CD163: variants seen among roughly 807,000 people sequenced by gnomAD.
CD163 encodes the protein scavenger receptor cysteine-rich type 1 protein M130.
CD163 carries 64 observed loss-of-function variants against 129.2 expected under a neutral mutation model. The observed-to-expected ratio is 0.50, with a 90% CI of 0.41 to 0.61. CD163 has a LOEUF of 0.61. Among genes scored for constraint, CD163 ranks in the 20% least tolerant of loss-of-function variants. The pLI is 0.00. For synonymous variants in CD163, 446 were observed against 478.5 expected (o/e 0.93, Z 0.89); for missense variants, 1,061 against 1,377.9 (o/e 0.77, Z 3.64).
In CD163 at chr12:7,483,386, G is replaced by A. The variant is rs371546077; in HGVS notation, c.3069C>T (p.Asp1023=). The change falls in exon 12 of 17, where the codon GAC becomes GAT. Residue 1023 remains aspartate, a synonymous_variant. Transcript: ENST00000432237. ...ACTTACCTGTGCAATTCACTGCAGC[G>A]TCTTCCTTGTGCCCACACTCACTAT... The part of the protein sequence containing the change: ...WGHSECGHKE[D]AAVNCTDISV... The A allele has an allele frequency of 2.0e-5, 32 of 1,613,388 alleles. No individual in the cohort carries two copies. Among genetic ancestry groups the A allele is most frequent in the Admixed American group, 1.5e-4 (9 of 59,980 alleles).
At chr12:7,484,983 A>T in intron 11 of CD163, 113 bp downstream of exon 11, 1 of 941,544 alleles carries the variant, frequency 1.1e-6, no homozygotes, top group South Asian at 1.6e-5. Context: ...GCTTAATTCA[A>T]TCTAACAATT....
intron 10 of CD163, among the ~76,000 whole-genome samples, 169 bp downstream of exon 10, chr12:7,486,330 T>A (rs1379509155): frequency 6.6e-6 from 1 of 152,206 alleles, no homozygotes; most frequent in African/African-American, 2.4e-5. Flanking sequence ...ACTACCTTGC[T>A]CATGAAGTAC....
intron 6 of CD163, 29 bp from the exon 7 acceptor site, chr12:7,488,116 G>C (rs1391421170): frequency 4.5e-6 from 7 of 1,544,620 alleles, no homozygotes; most frequent in Non-Finnish European, 6.1e-6. Context: ...TTCAGTGAGA[G>C]GTAATATGAT....
chr12:7,495,197 G>A lies in CD163; in HGVS notation c.1304C>T (p.Thr435Ile). Residue 435 changes from threonine (T) to isoleucine (I), a missense_variant, in exon 6 of 17, where the codon ACA (threonine) becomes ATA (isoleucine). Transcript: ENST00000432237. Reference sequence around the variant, plus strand: ...GTTACAGCTACTTAGAAACAGCCATGTGTTTGTTGCCTGGATTTTGGAGTA... The same window carrying A: ...GTTACAGCTACTTAGAAACAGCCATATGTTTGTTGCCTGGATTTTGGAGTA... ...QVYSKIQATN[T>I]WLFLSSCNGN... is the part of the protein sequence containing the mutation. 4 of 1,614,162 alleles carry A rather than the reference G, an allele frequency of 2.5e-6. No individual in the cohort carries two copies. Among genetic ancestry groups the A allele is most frequent in the Non-Finnish European group, 3.4e-6 (4 of 1,180,008 alleles).
rs74563692 is a variant in CD163 at position 7,485,976 on chromosome 12, T to G, written c.2458+523A>C. ...ACATATGAAATAGTACATTTTTAAA[T>G]TTCAGAATGTTTTCTAAAACTCACC... is the stretch of plus-strand genomic sequence containing the variant. On this transcript the variant is annotated intron_variant, in intron 10 of 16. Coordinates refer to ENST00000432237, the MANE Select transcript of CD163 (RefSeq NM_203416.4). This position sits in a 1 kb window ranked among gnomAD's most constrained non-coding sequence, Gnocchi z 4.5. Among the ~76,000 whole-genome samples the G allele has an allele frequency of 2.9e-3, 447 of 152,340 alleles. 3 individuals are homozygous for G. The highest frequency in any genetic ancestry group is 0.01 in the African/African-American group (434 of 41,582).
chr12:7,496,565 T>C lies in CD163; in HGVS notation c.1099+248A>G, dbSNP rs1395330715. ...GTCTCTCTGAGCTCCAGGTAGATTCTGAGTTTGAAGTGTGCTCCATAAAAG... is the reference window on the plus strand; with the variant it reads ...GTCTCTCTGAGCTCCAGGTAGATTCCGAGTTTGAAGTGTGCTCCATAAAAG... On this transcript the variant is annotated intron_variant, in intron 5 of 16. Transcript: ENST00000432237. This position sits in a 1 kb window ranked among gnomAD's most constrained non-coding sequence, Gnocchi z 4.8. Among the ~76,000 whole-genome samples the C allele has an allele frequency of 1.3e-5, 2 of 152,214 alleles. No individual in the cohort carries two copies. Among genetic ancestry groups the C allele is most frequent in the African/African-American group, 2.4e-5 (1 of 41,454 alleles).
In CD163 at chr12:7,476,349, A is replaced by G. The variant is rs1238179367; in HGVS notation, c.*31+3511T>C. Among the ~76,000 whole-genome samples, 3 of 152,326 alleles carry G rather than the reference A, an allele frequency of 2.0e-5. No individual in the cohort carries two copies. In the East Asian group the frequency reaches 5.8e-4, roughly 29 times the overall value. The stretch of plus-strand genomic sequence containing the variant: ...CTGACTTCAAACTTACTGCAAGTCT[A>G]CAGTTATCAAAACAGCATGGTACTG... On this transcript the variant is annotated intron_variant, in intron 16 of 16. Coordinates refer to ENST00000432237, the MANE Select transcript of CD163 (RefSeq NM_203416.4).
chr12:7,481,285 T>A (rs1014296831), intron 14 of CD163, 29 bp from the exon 15 acceptor site: 1 of 1,553,074 alleles, frequency 6.4e-7, no homozygotes, highest in South Asian at 1.1e-5. Flanking sequence ...AGGTTAGGGA[T>A]CAGCTATCAT....
intron 6 of CD163, among the ~76,000 whole-genome samples, chr12:7,491,320 C>T (rs887151075): frequency 2.0e-5 from 3 of 152,044 alleles, no homozygotes; most frequent in Admixed American, 6.6e-5. Flanking sequence ...GCCTTTATTT[C>T]GTGAATCTGC....
At chr12:7,502,749 G>A (rs770404802) in intron 1 of CD163, 185 bp from the exon 2 acceptor site, 1 of 632,088 alleles carries the variant, frequency 1.6e-6, no homozygotes, top group South Asian at 1.9e-5. Flanking sequence ...AAATGGTTTT[G>A]AAAATGTTCA....
chr12:7,476,220 A>C (rs1949085089), intron 16 of CD163, among the ~76,000 whole-genome samples: 1 of 152,376 alleles, frequency 6.6e-6, no homozygotes. Flanking sequence ...CTTTCTTTAC[A>C]GAATTGGAAA....
At position 7,480,996 on chromosome 12, in the gene CD163, A is replaced by G; in HGVS notation, c.3343+165T>C. On this transcript the variant is annotated intron_variant, in intron 15 of 16. Coordinates refer to ENST00000432237, the MANE Select transcript of CD163 (RefSeq NM_203416.4). ...GCCTCCCTATGATTGCAATTTTGAT[A>G]TTCTCCAAGAATAATTTTCAGTCAT... 4.5e-6 allele frequency: 6 copies of G among 1,337,612 alleles called. No homozygotes were observed. In the South Asian group the frequency reaches 1.3e-4, roughly 29 times the overall value. 82.9% of individuals were successfully genotyped at this position (1,337,612 alleles called of 1,614,324 possible). A position where few individuals can be genotyped will look rare whatever the true frequency, so the allele number is the denominator to read the frequency against.
Position 7,485,475 on chromosome 12 carries a change from T to TC in CD163, c.2459-60dup. The TC allele has an allele frequency of 7.4e-7, 1 of 1,350,848 alleles. No individual in the cohort carries two copies. The highest frequency in any genetic ancestry group is 1.0e-6 in the Non-Finnish European group (1 of 966,364). The allele number at this position is 1,350,848 out of a possible 1,614,324, so 83.7% of individuals were successfully genotyped here. A position where few individuals can be genotyped will look rare whatever the true frequency, so the allele number is the denominator to read the frequency against. ...CTTTTCTGAAGATTCAGAGACTCCTTCCCTTTACCTTGATGTAAGAATGGC... is the reference window on the plus strand; with the variant it reads ...CTTTTCTGAAGATTCAGAGACTCCTTCCCCTTTACCTTGATGTAAGAATGGC... On this transcript the variant is annotated intron_variant, in intron 10 of 16. Transcript: ENST00000432237. This position sits in a 1 kb window ranked among gnomAD's most constrained non-coding sequence, Gnocchi z 4.5.
At chr12:7,494,356 T>C (rs946369899) in intron 6 of CD163, among the ~76,000 whole-genome samples, 4 of 152,230 alleles carry the variant, frequency 2.6e-5, no homozygotes, top group African/African-American at 9.6e-5. Flanking sequence ...GCACCATTTG[T>C]AACATCAGGG....
At chr12:7,478,504 G>T (rs1426432317) in intron 16 of CD163, among the ~76,000 whole-genome samples, 1 of 151,980 alleles carries the variant, frequency 6.6e-6, no homozygotes, top group East Asian at 1.9e-4. Context: ...TCTTTTCATA[G>T]CTTTGCCCAA....
Position 7,503,738 on chromosome 12 carries a change from C to A in CD163, c.-48G>T, listed in dbSNP as rs867670281. On this transcript the variant is annotated 5_prime_UTR_variant, in exon 1 of 17. Coordinates refer to ENST00000432237, the MANE Select transcript of CD163 (RefSeq NM_203416.4). ...GATTCCTAAATCTTCTTGTATTATT[C>A]CCTAGAAATGTTCTTCTAAAGAAAA... The A allele has an allele frequency of 1.5e-5, 18 of 1,169,520 alleles. No homozygotes were observed. Among genetic ancestry groups the A allele is most frequent in the Non-Finnish European group, 1.2e-5 (10 of 804,312 alleles). The allele number at this position is 1,169,520 out of a possible 1,614,324, so 72.4% of individuals were successfully genotyped here.
chr12:7,495,151 C>A lies in CD163; in HGVS notation c.1350G>T (p.Trp450Cys). 1 of 1,614,058 alleles carries A rather than the reference C, an allele frequency of 6.2e-7. No individual in the cohort carries two copies. The part of the protein sequence containing the change: ...SSCNGNETSL[W>C]DCKNWQWGGL... ...CACCCCATTGCCAGTTCTTGCAGTC[C>A]CAAAGAGAAGTTTCATTTCCGTTAC... Residue 450 changes from tryptophan to cysteine, a missense_variant, in exon 6 of 17, where the codon TGG (tryptophan) becomes TGT (cysteine). By Grantham distance (215) the Trp-to-Cys change is radical. Transcript: ENST00000432237.
intron 15 of CD163, 97 bp downstream of exon 15, chr12:7,481,064 G>T: frequency 6.7e-7 from 1 of 1,494,852 alleles, no homozygotes; most frequent in Non-Finnish European, 8.9e-7. Context: ...TACATTTTTA[G>T]ACTTTTTTAA....
At chr12:7,503,357 T>G (rs1949519756) in intron 1 of CD163, among the ~76,000 whole-genome samples, 1 of 152,228 alleles carries the variant, frequency 6.6e-6, no homozygotes, top group African/African-American at 2.4e-5. Flanking sequence ...CTGCATATTC[T>G]ATCTTTTCTA....
Sources: gnomAD v4.1 joint callset for allele counts (sites outside exome capture counted in the v4.1 genomes callset) on GRCh38, gnomAD v4.1.1 for gene constraint, Gnocchi (gnomAD v3.1) non-coding constraint, MANE v1.5 for transcripts, NCBI Gene and HGNC (gene_info 2026-07-23, HGNC 2026-07-21) for gene names.